Variants in TBC1D5 observed in about 807,000 individuals in gnomAD.
TBC1D5 encodes TBC1 domain family, member 5.
A neutral mutation model predicts 100.3 loss-of-function variants in TBC1D5; 75 were observed. That is an observed-to-expected ratio of 0.75 (90% CI 0.62 to 0.91). The LOEUF is 0.91. Among genes scored for constraint, TBC1D5 ranks in the 40% least tolerant of loss-of-function variants. TBC1D5 has a pLI of 0.00. For missense variants in TBC1D5, 910 were observed against 942.4 expected, an observed-to-expected ratio of 0.97 and a Z score of 0.45; for synonymous variants, 323 against 325.6, an observed-to-expected ratio of 0.99 and a Z score of 0.09.
chr3:17,213,048 C>T (rs769940205), intron 18 of TBC1D5, among the ~76,000 whole-genome samples: 46 of 152,210 alleles, frequency 3.0e-4, no homozygotes, highest in Admixed American at 2.6e-4. Context: ...CACTTCCAGG[C>T]TCCATTCATA....
chr3:17,339,924 GAATT>G (rs1437261802), intron 13 of TBC1D5, among the ~76,000 whole-genome samples: 1 of 152,114 alleles, frequency 6.6e-6, no homozygotes, highest in African/African-American at 2.4e-5. Flanking sequence ...TTTTGAAATG[GAATT>G]AATGTTAATG....
At chr3:17,597,783 A>G (rs1265416078) in intron 2 of TBC1D5, among the ~76,000 whole-genome samples, 2 of 152,216 alleles carry the variant, frequency 1.3e-5, no homozygotes, top group African/African-American at 4.8e-5. Flanking sequence ...GTACTAAATT[A>G]GATCCCACAC....
chr3:17,392,370 T>TA (rs139619317), intron 8 of TBC1D5, among the ~76,000 whole-genome samples: 4,248 of 151,630 alleles, frequency 0.028, 194 homozygotes, highest in African/African-American at 0.096. Flanking sequence ...ACCCTTTTTT[T>TA]AAAAAAAAAT....
In TBC1D5 at chr3:17,531,832, A is replaced by C. The variant is rs532912745; in HGVS notation, c.-35-23227T>G. 1.1e-4 allele frequency among the ~76,000 whole-genome samples: 16 copies of C among 152,364 alleles called. No homozygotes were observed. The East Asian group carries it at 2.9e-3, about 28-fold the overall frequency. On this transcript the variant is annotated intron_variant, in intron 2 of 21. Coordinates refer to ENST00000253692, the Ensembl canonical transcript of TBC1D5. ...TTCCTTACACTTTATACAAAAATTA[A>C]TTCAAGATGGATTAAAGATTTACAT...
chr3:17,463,130 ATTCTGC>A, intron 3 of TBC1D5, among the ~76,000 whole-genome samples: 1 of 152,206 alleles, frequency 6.6e-6, no homozygotes, highest in Non-Finnish European at 1.5e-5. Flanking sequence ...CTGTACTACT[ATTCTGC>A]TTCTAAGTTC....
At chr3:17,530,860 A>C (rs1311508678) in intron 2 of TBC1D5, among the ~76,000 whole-genome samples, 1 of 152,192 alleles carries the variant, frequency 6.6e-6, no homozygotes, top group Non-Finnish European at 1.5e-5. Context: ...ATCTATGACA[A>C]ACCCACAGCC....
intron 18 of TBC1D5, among the ~76,000 whole-genome samples, chr3:17,198,385 C>T (rs899185763): frequency 2.6e-5 from 4 of 152,084 alleles, no homozygotes; most frequent in Non-Finnish European, 4.4e-5. Flanking sequence ...CTGTTGAAAA[C>T]GCCTTTAAGA....
At chr3:17,181,523 A>T (rs1202738210) in intron 19 of TBC1D5, among the ~76,000 whole-genome samples, 1 of 152,232 alleles carries the variant, frequency 6.6e-6, no homozygotes, top group East Asian at 1.9e-4. Flanking sequence ...ACATATGAGG[A>T]CACATTCATA....
intron 19 of TBC1D5, among the ~76,000 whole-genome samples, chr3:17,171,738 C>T (rs531220772): frequency 9.9e-5 from 15 of 152,214 alleles, no homozygotes; most frequent in Middle Eastern, 3.4e-3. Context: ...AATAAGGTCA[C>T]GTTCACAGGT....
chr3:17,487,544 T>C (rs1384512405), intron 3 of TBC1D5, among the ~76,000 whole-genome samples: 2 of 152,160 alleles, frequency 1.3e-5, no homozygotes, highest in African/African-American at 2.4e-5. Flanking sequence ...ATAGAAGGAT[T>C]TGGCCAATTC....
intron 18 of TBC1D5, among the ~76,000 whole-genome samples, chr3:17,191,601 G>A (rs1295076974): frequency 6.6e-6 from 1 of 152,048 alleles, no homozygotes; most frequent in Admixed American, 6.6e-5. Context: ...TAAACAGTAT[G>A]CTATGCAAAC....
chr3:17,484,455 GGT>G (rs34847216), intron 3 of TBC1D5, among the ~76,000 whole-genome samples: 42,455 of 111,178 alleles, frequency 0.38, 8,878 homozygotes, highest in Middle Eastern at 0.46. Flanking sequence ...GTAACACCAG[GGT>G]GTGTGTGTGT....
At chr3:17,624,246 TGATATTAA>T (rs1304369557) in intron 1 of TBC1D5, among the ~76,000 whole-genome samples, 2 of 152,206 alleles carry the variant, frequency 1.3e-5, no homozygotes, top group African/African-American at 4.8e-5. Flanking sequence ...TTATGTTTCT[TGATATTAA>T]ACACTGAGAT....
At chr3:17,666,301 A>G (rs1435707201) in intron 1 of TBC1D5, among the ~76,000 whole-genome samples, 1 of 152,204 alleles carries the variant, frequency 6.6e-6, no homozygotes, top group African/African-American at 2.4e-5. Flanking sequence ...CTGCAGTCTT[A>G]TGACCTTGGT....
At chr3:17,224,121 G>A (rs1008247171) in intron 17 of TBC1D5, among the ~76,000 whole-genome samples, 4 of 152,098 alleles carry the variant, frequency 2.6e-5, no homozygotes, top group Admixed American at 2.6e-4. Flanking sequence ...AATATCTGAT[G>A]GTCAGGCTTC....
At chr3:17,374,654 G>A (rs777714978) in exon 11 of TBC1D5, 3 of 1,610,694 alleles carry the variant, frequency 1.9e-6, no homozygotes, top group South Asian at 2.2e-5. Context: ...AGATACTCAG[G>A]GTTCAAGACA....
chr3:17,658,572 A>G (rs1220130564), intron 1 of TBC1D5, among the ~76,000 whole-genome samples: 5 of 152,254 alleles, frequency 3.3e-5, no homozygotes. Flanking sequence ...GGAAAAGGCA[A>G]TCTGTTCAGA....
At chr3:17,742,494 G>C (rs1310010633), upstream of TBC1D5, 3 of 152,832 alleles carry the variant, frequency 2.0e-5, no homozygotes, top group Non-Finnish European at 4.4e-5. Flanking sequence ...TGGCGCAGAA[G>C]GGCTCCCCAG....
intron 1 of TBC1D5, among the ~76,000 whole-genome samples, chr3:17,675,020 T>C (rs530708691): frequency 2.5e-4 from 38 of 152,200 alleles, no homozygotes; most frequent in African/African-American, 8.4e-4. Context: ...TATCTATATG[T>C]TTTTGGTGTA....
Sources: allele counts gnomAD v4.1 joint callset (sites outside exome capture counted in the v4.1 genomes callset), GRCh38; gene constraint gnomAD v4.1.1; transcripts MANE v1.5; gene names NCBI Gene and HGNC (gene_info 2026-07-23, HGNC 2026-07-21).